The following TNFSF18 variants were observed in gnomAD, a reference collection of about 807,000 sequenced individuals.
TNFSF18 encodes TNF superfamily member 18.
A neutral mutation model predicts 9.6 loss-of-function variants in TNFSF18; 6 were observed. The ratio of observed to expected loss-of-function variants is 0.63; its 90% CI spans 0.34 to 1.24. TNFSF18 has a LOEUF of 1.24. Ranked by LOEUF, TNFSF18 falls within the 50% of genes most tolerant of loss-of-function variation. The probability of loss-of-function intolerance (pLI) is 0.03; values close to 1 mark genes in which losing one functional copy is unlikely to be tolerated. For missense variants in TNFSF18, 210 were observed against 201.0 expected (o/e 1.04, Z -0.27); for synonymous variants, 68 against 71.7 (o/e 0.95, Z 0.26).
intron 1 of TNFSF18, among the ~76,000 whole-genome samples, chr1:173,047,934 T>G (rs965863736): frequency 6.6e-6 from 1 of 152,196 alleles, no homozygotes; most frequent in African/African-American, 2.4e-5. Context: ...TTAAATGGTC[T>G]TGTTAAATTT....
intron 1 of TNFSF18, among the ~76,000 whole-genome samples, chr1:173,045,324 A>G (rs1665063253): frequency 1.3e-5 from 2 of 152,144 alleles, no homozygotes; most frequent in Admixed American, 1.3e-4. Flanking sequence ...CTGAAAGGAA[A>G]CTAGGAGAGT....
rs556289443 is a variant in TNFSF18, at chr1:173,041,318, C to T, written c.*49G>A. ...ATATCTTCTCCCTCCAATCCACCCA[C>T]TGGCACCTCTACATGTGCTGAAGGG... is the stretch of plus-strand genomic sequence containing the variant. On this transcript the variant is annotated 3_prime_UTR_variant, in exon 3 of 3. Transcript: ENST00000404377. The T allele has an allele frequency of 7.0e-7, 1 of 1,420,350 alleles. No individual in the cohort carries two copies. Among genetic ancestry groups the T allele is most frequent in the Admixed American group, 2.2e-5 (1 of 45,564 alleles). 88.0% of individuals were successfully genotyped at this position (1,420,350 alleles called of 1,614,324 possible).
At chr1:173,041,840 C>T in intron 2 of TNFSF18, 127 bp from the exon 3 acceptor site, 1 of 812,974 alleles carries the variant, frequency 1.2e-6, no homozygotes, top group African/African-American at 1.7e-5. Flanking sequence ...CACTAGTTCT[C>T]TTCAAGCAGA....
At chr1:173,043,304 GTA>G (rs1665021083) in intron 2 of TNFSF18, among the ~76,000 whole-genome samples, 1 of 152,050 alleles carries the variant, frequency 6.6e-6, no homozygotes, top group Non-Finnish European at 1.5e-5. Flanking sequence ...AACTGAAAAT[GTA>G]TGTTTGGCCT....
intron 1 of TNFSF18, among the ~76,000 whole-genome samples, chr1:173,044,991 A>G (rs967861052): frequency 1.3e-5 from 2 of 152,198 alleles, no homozygotes; most frequent in African/African-American, 4.8e-5. Flanking sequence ...AATTGGAAAG[A>G]TAAAGTTGTT....
intron 1 of TNFSF18, among the ~76,000 whole-genome samples, chr1:173,048,345 C>T (rs1254236277): frequency 2.0e-5 from 3 of 152,162 alleles, no homozygotes; most frequent in African/African-American, 4.8e-5. Context: ...GCTAGATTTA[C>T]GTAGTTCGGC....
Position 173,040,692 on chromosome 1 carries a change from G to T in TNFSF18, c.*675C>A, listed in dbSNP as rs16845308. ...TTTAGACACACACACCAACAGTAAG[G>T]TCTCACAAAGCTCTACGTGAGGGTT... On this transcript the variant is annotated 3_prime_UTR_variant, in exon 3 of 3. Transcript: ENST00000404377. The T allele has an allele frequency of 0.29, 44,649 of 151,958 alleles. 7,697 individuals are homozygous for T. Among genetic ancestry groups the T allele is most frequent in the East Asian group, 0.78 (4,058 of 5,170 alleles). 9.4% of individuals were successfully genotyped at this position (151,958 alleles called of 1,614,324 possible). A position where few individuals can be genotyped will look rare whatever the true frequency, so the allele number is the denominator to read the frequency against.
chr1:173,045,712 T>C (rs1324992381), intron 1 of TNFSF18, among the ~76,000 whole-genome samples: 2 of 152,076 alleles, frequency 1.3e-5, no homozygotes, highest in East Asian at 1.9e-4. Context: ...TTCCATTTGA[T>C]GGAAATGTTT....
intron 1 of TNFSF18, among the ~76,000 whole-genome samples, chr1:173,049,333 A>T (rs1665132995): frequency 6.6e-6 from 1 of 152,160 alleles, no homozygotes; most frequent in Non-Finnish European, 1.5e-5. Context: ...TAGAAGAAAG[A>T]AGCACTTCCA....
chr1:173,047,069 A>G (rs983325804), intron 1 of TNFSF18, among the ~76,000 whole-genome samples: 1 of 151,112 alleles, frequency 6.6e-6, no homozygotes, highest in Non-Finnish European at 1.5e-5. Flanking sequence ...TTTTTTTTGT[A>G]TTTTTTTGTA....
chr1:173,040,896 C>A lies in TNFSF18; in HGVS notation c.*471G>T, dbSNP rs990170406. On this transcript the variant is annotated 3_prime_UTR_variant, in exon 3 of 3. Transcript: ENST00000404377. ...CATATCTAAAGTAGGGTATGGTAGG[C>A]ATATCTGTGGCCATCCTATCAGTCT... is the stretch of plus-strand genomic sequence containing the variant. 6.5e-6 allele frequency: 1 copy of A among 153,244 alleles called. No individual in the cohort carries two copies. Among genetic ancestry groups the A allele is most frequent in the Non-Finnish European group, 1.5e-5 (1 of 68,906 alleles). 9.5% of individuals were successfully genotyped at this position (153,244 alleles called of 1,614,324 possible).
intron 1 of TNFSF18, among the ~76,000 whole-genome samples, chr1:173,044,419 C>G (rs1399049179): frequency 6.6e-6 from 1 of 152,206 alleles, no homozygotes. Context: ...GAAATATTTA[C>G]AACTCAGATT....
Position 173,040,107 on chromosome 1 carries a change from C to T in TNFSF18, c.*1260G>A, listed in dbSNP as rs1664965860. The T allele has an allele frequency of 6.6e-6, 1 of 151,682 alleles. No homozygotes were observed. Among genetic ancestry groups the T allele is most frequent in the Non-Finnish European group, 1.5e-5 (1 of 67,962 alleles). 9.4% of individuals were successfully genotyped at this position (151,682 alleles called of 1,614,324 possible). ...AGAGTCCAAAAATTTTGAATTAGTGCTATTTATTATTTTAGAAGTTAGCAC... is the reference window on the plus strand; with the variant it reads ...AGAGTCCAAAAATTTTGAATTAGTGTTATTTATTATTTTAGAAGTTAGCAC... On this transcript the variant is annotated 3_prime_UTR_variant, in exon 3 of 3. Coordinates refer to ENST00000404377, the MANE Select transcript of TNFSF18 (RefSeq NM_005092.4).
chr1:173,041,418 A>C lies in TNFSF18; in HGVS notation c.483T>G (p.Asn161Lys), dbSNP rs758910946. Residue 161 changes from asparagine to lysine, a missense_variant, in exon 3 of 3, where the codon AAT (asparagine) becomes AAG (lysine). Asn to Lys is a moderately conservative substitution (Grantham distance 94, BLOSUM62 0). Transcript: ENST00000404377. ...GTAAAATGATACCCCAGTATGTATT[A>C]TTTTTTAGAACCTGATGCTCAGAGT... ...IFNSEHQVLK[N>K]NTYWGIILLA... The C allele has an allele frequency of 2.5e-6, 4 of 1,613,204 alleles. No individual in the cohort carries two copies. The highest frequency in any genetic ancestry group is 3.4e-6 in the Non-Finnish European group (4 of 1,179,504).
intron 1 of TNFSF18, among the ~76,000 whole-genome samples, chr1:173,046,541 A>G (rs1211692102): frequency 6.6e-6 from 1 of 152,224 alleles, no homozygotes; most frequent in African/African-American, 2.4e-5. Context: ...ATTAAAAAAT[A>G]AAATAAATGC....
chr1:173,040,122 G>T lies in TNFSF18; in HGVS notation c.*1245C>A, dbSNP rs1664966189. 1 of 151,834 alleles carries T rather than the reference G, an allele frequency of 6.6e-6. No homozygotes were observed. Among genetic ancestry groups the T allele is most frequent in the Admixed American group, 6.6e-5 (1 of 15,218 alleles). The allele number at this position is 151,834 out of a possible 1,614,324, so 9.4% of individuals were successfully genotyped here. The stretch of plus-strand genomic sequence containing the variant: ...TGAATTAGTGCTATTTATTATTTTA[G>T]AAGTTAGCACATTTGACTAAGATGG... On this transcript the variant is annotated 3_prime_UTR_variant, in exon 3 of 3. Transcript: ENST00000404377.
At position 173,042,542 on chromosome 1, in the gene TNFSF18, G is replaced by A. The variant is rs1052076708; in HGVS notation, c.188-829C>T. The stretch of plus-strand genomic sequence containing the variant: ...CAAAAATAGCTAATTGTAAATTTAT[G>A]AGTTTATAAATAGAAATAACTTGAC... On this transcript the variant is annotated intron_variant, in intron 2 of 2. Transcript: ENST00000404377. Among the ~76,000 whole-genome samples the A allele has an allele frequency of 2.6e-5, 4 of 152,008 alleles. No individual in the cohort carries two copies. In the South Asian group the frequency reaches 6.2e-4, roughly 24 times the overall value.
intron 1 of TNFSF18, among the ~76,000 whole-genome samples, chr1:173,049,864 G>A (rs1665141260): frequency 2.0e-5 from 3 of 152,120 alleles, no homozygotes; most frequent in Non-Finnish European, 1.5e-5. Context: ...TTAACTGTGA[G>A]GAAAGATTTT....
intron 1 of TNFSF18, among the ~76,000 whole-genome samples, chr1:173,046,873 G>GC (rs973229858): frequency 7.3e-6 from 1 of 137,844 alleles, no homozygotes; most frequent in African/African-American, 2.5e-5. Context: ...CCCTACACTT[G>GC]TTTTTTTTTG....
Sources: allele counts gnomAD v4.1 joint callset (sites outside exome capture counted in the v4.1 genomes callset), GRCh38; gene constraint gnomAD v4.1.1; transcripts MANE v1.5; gene names NCBI Gene and HGNC (gene_info 2026-07-23, HGNC 2026-07-21).